LRRC7: variants seen among roughly 807,000 people sequenced by gnomAD.
LRRC7 encodes leucine-rich repeat-containing protein 7.
A neutral mutation model predicts 175.7 loss-of-function variants in LRRC7; 23 were observed. The observed-to-expected ratio is 0.13, with a 90% CI of 0.09 to 0.19. The LOEUF (loss-of-function observed/expected upper bound fraction) is 0.19, where lower values mean the gene tolerates loss of function less well. Ranked by LOEUF, LRRC7 falls within the 10% of genes least tolerant of loss-of-function variation. The pLI is 1.00. For missense variants in LRRC7, 1,354 were observed against 1,904.7 expected, an observed-to-expected ratio of 0.71 and a Z score of 5.38; for synonymous variants, 685 against 680.9, an observed-to-expected ratio of 1.01 and a Z score of -0.09.
chr1:69,995,249 A>T (rs1436049674), intron 11 of LRRC7, among the ~76,000 whole-genome samples: 1 of 152,184 alleles, frequency 6.6e-6, no homozygotes, highest in African/African-American at 2.4e-5. Flanking sequence ...AGAACTATAT[A>T]TATTATCAAT....
At chr1:69,716,668 T>G (rs1465373946) in intron 2 of LRRC7, among the ~76,000 whole-genome samples, 1 of 151,822 alleles carries the variant, frequency 6.6e-6, no homozygotes, top group Non-Finnish European at 1.5e-5. Flanking sequence ...AGGTTACATT[T>G]CAAAAATTCA....
intron 2 of LRRC7, among the ~76,000 whole-genome samples, chr1:69,708,235 T>C (rs572509228): frequency 2.0e-5 from 3 of 152,214 alleles, no homozygotes; most frequent in Non-Finnish European, 2.9e-5. Flanking sequence ...CAAGTATTTC[T>C]GTCTTCTCTT....
At chr1:69,935,856 A>G (rs188331847) in intron 8 of LRRC7, among the ~76,000 whole-genome samples, 1 of 152,162 alleles carries the variant, frequency 6.6e-6, no homozygotes, top group Non-Finnish European at 1.5e-5. Flanking sequence ...TGTGGGTAGC[A>G]CATTTTCTGT....
intron 4 of LRRC7, among the ~76,000 whole-genome samples, chr1:69,822,830 A>G (rs1371703743): frequency 6.6e-6 from 1 of 152,174 alleles, no homozygotes; most frequent in East Asian, 1.9e-4. Flanking sequence ...TGGACTCCCA[A>G]ACTCCCACAA....
chr1:69,595,028 GTTTA>G (rs1394341786), intron 1 of LRRC7, among the ~76,000 whole-genome samples: 1 of 146,878 alleles, frequency 6.8e-6, no homozygotes, highest in Non-Finnish European at 1.5e-5. Context: ...TTTTTTTACT[GTTTA>G]CTATATATCA....
At chr1:70,092,532 G>A (rs1473090070) in intron 25 of LRRC7, among the ~76,000 whole-genome samples, 5 of 152,106 alleles carry the variant, frequency 3.3e-5, no homozygotes, top group Non-Finnish European at 5.9e-5. Flanking sequence ...TTTCTGTACT[G>A]AAGTTAATTA....
intron 4 of LRRC7, among the ~76,000 whole-genome samples, chr1:69,816,864 T>C (rs1678661728): frequency 6.6e-6 from 1 of 152,080 alleles, no homozygotes; most frequent in Admixed American, 6.5e-5. Flanking sequence ...TTAGACTTTT[T>C]TAGATTCCCC....
At chr1:69,777,723 G>T (rs1041826203) in intron 3 of LRRC7, among the ~76,000 whole-genome samples, 1 of 152,112 alleles carries the variant, frequency 6.6e-6, no homozygotes, top group Non-Finnish European at 1.5e-5. Context: ...CCAAGATTTT[G>T]TTACCTAAAT....
At chr1:69,725,813 T>C (rs966140939) in intron 2 of LRRC7, among the ~76,000 whole-genome samples, 2 of 152,226 alleles carry the variant, frequency 1.3e-5, no homozygotes, top group East Asian at 3.9e-4. Context: ...TGTGCTGCTC[T>C]GGGGAGCCCC....
At chr1:69,971,079 C>A (rs753474937) in intron 8 of LRRC7, among the ~76,000 whole-genome samples, 2 of 152,078 alleles carry the variant, frequency 1.3e-5, no homozygotes, top group Non-Finnish European at 2.9e-5. Context: ...AATCCAGCAT[C>A]GTTTTTGATT....
chr1:69,687,669 G>A (rs1343178445), intron 2 of LRRC7, among the ~76,000 whole-genome samples: 1 of 143,864 alleles, frequency 7.0e-6, no homozygotes, highest in Non-Finnish European at 1.5e-5. Context: ...TGCCTCTCTT[G>A]AGTTTTTGAA....
chr1:69,900,203 GAGT>G (rs1181841557), intron 7 of LRRC7, among the ~76,000 whole-genome samples: 1 of 152,144 alleles, frequency 6.6e-6, no homozygotes, highest in African/African-American at 2.4e-5. Flanking sequence ...TTACTGATAG[GAGT>G]CTGTTGCCTG....
chr1:69,809,576 A>G (rs1319717445), intron 4 of LRRC7, among the ~76,000 whole-genome samples: 1 of 152,048 alleles, frequency 6.6e-6, no homozygotes, highest in Non-Finnish European at 1.5e-5. Context: ...GCTTATCCAC[A>G]CCATCAAGTT....
chr1:69,687,534 A>AG (rs1272527724), intron 2 of LRRC7, among the ~76,000 whole-genome samples: 2 of 145,818 alleles, frequency 1.4e-5, no homozygotes, highest in South Asian at 2.1e-4. Context: ...AAAAAAAAAA[A>AG]AAAAGAAAAA....
intron 8 of LRRC7, among the ~76,000 whole-genome samples, chr1:69,967,349 G>A (rs1478581330): frequency 1.3e-5 from 2 of 152,120 alleles, no homozygotes; most frequent in East Asian, 1.9e-4. Context: ...CCCACCTAAT[G>A]CTCCTCCCCT....
rs555411147 is a variant in LRRC7 at position 69,969,838 on chromosome 1, A to T, written c.712-10541A>T. 2.0e-5 allele frequency among the ~76,000 whole-genome samples: 3 copies of T among 152,252 alleles called. No homozygotes were observed. The South Asian group carries it at 6.2e-4, about 32-fold the overall frequency. On this transcript the variant is annotated intron_variant, in intron 8 of 26. Coordinates refer to ENST00000651989, the MANE Select transcript of LRRC7 (RefSeq NM_001370785.2). ...AACCACAGAATGTACATTCTATTCA[A>T]CAGCGCATGGAACTTTCTCCGGGAT...
At chr1:69,786,136 G>A (rs1372688563) in intron 3 of LRRC7, among the ~76,000 whole-genome samples, 1 of 151,890 alleles carries the variant, frequency 6.6e-6, no homozygotes, top group Non-Finnish European at 1.5e-5. Flanking sequence ...TGAGACAAAG[G>A]CCTAAATTTA....
At chr1:69,980,257 T>C in intron 8 of LRRC7, 122 bp from the exon 9 acceptor site, 1 of 831,178 alleles carries the variant, frequency 1.2e-6, no homozygotes, top group Non-Finnish European at 2.0e-6. Flanking sequence ...ATTTCTTAGA[T>C]GCTTAACACT....
At chr1:69,744,546 G>A (rs1451916221) in intron 2 of LRRC7, among the ~76,000 whole-genome samples, 1 of 151,878 alleles carries the variant, frequency 6.6e-6, no homozygotes, top group African/African-American at 2.4e-5. Flanking sequence ...TGTCCTGAAT[G>A]CATTCATATG....
Sources: allele counts gnomAD v4.1 joint callset (sites outside exome capture counted in the v4.1 genomes callset), GRCh38; gene constraint gnomAD v4.1.1; transcripts MANE v1.5; gene names NCBI Gene and HGNC (gene_info 2026-07-23, HGNC 2026-07-21).